Variants in SRGAP2B observed in about 807,000 individuals in gnomAD.
SRGAP2B encodes the protein SLIT-ROBO Rho GTPase-activating protein 2B.
Under a neutral mutation model 22.2 loss-of-function variants are expected in SRGAP2B, and 9 were observed. The observed-to-expected ratio is 0.41, with a 90% confidence interval of 0.24 to 0.71. The LOEUF is 0.71. Among genes scored for constraint, SRGAP2B ranks in the 30% least tolerant of loss-of-function variants. The probability of loss-of-function intolerance (pLI) is 0.35; values close to 1 mark genes in which losing one functional copy is unlikely to be tolerated. For synonymous variants in SRGAP2B, 36 were observed against 87.4 expected (o/e 0.41, Z 3.28); for missense variants, 114 against 235.8 (o/e 0.48, Z 3.38).
chr1:144,987,862 T>A (rs587596571), intron 3 of SRGAP2B, among the ~76,000 whole-genome samples: 1 of 150,962 alleles, frequency 6.6e-6, no homozygotes, highest in Admixed American at 6.6e-5. Context: ...CTGTTACTAA[T>A]GTTGCATTGA....
At chr1:145,084,029 C>T (rs587719808) in intron 2 of SRGAP2B, among the ~76,000 whole-genome samples, 3 of 134,180 alleles carry the variant, frequency 2.2e-5, no homozygotes, top group African/African-American at 2.9e-5. Context: ...ATCCCAGAAA[C>T]GTTGGGCTTT....
chr1:144,933,072 C>T (rs1233327988), intron 4 of SRGAP2B, among the ~76,000 whole-genome samples: 3 of 151,756 alleles, frequency 2.0e-5, no homozygotes, highest in African/African-American at 7.3e-5. Context: ...AGTACCCCTA[C>T]CCCGGCCCTG....
chr1:144,911,932 T>G (rs1236153342), intron 5 of SRGAP2B, among the ~76,000 whole-genome samples: 33 of 135,506 alleles, frequency 2.4e-4, no homozygotes, highest in African/African-American at 9.5e-4. Flanking sequence ...CTCTGAACTT[T>G]CTCTTTTTTT....
intron 2 of SRGAP2B, among the ~76,000 whole-genome samples, chr1:145,064,267 A>G (rs1344919220): frequency 6.8e-6 from 1 of 146,814 alleles, no homozygotes; most frequent in Non-Finnish European, 1.5e-5. Context: ...GCTGGTAGAC[A>G]AAACACAGGA....
At position 144,965,273 on chromosome 1, in the gene SRGAP2B, C is replaced by G. The variant is rs587648884; in HGVS notation, c.261-9672G>C. The G allele has an allele frequency of 8.4e-5, 38 of 453,406 alleles. 1 individual carries two copies. The highest frequency in any genetic ancestry group is 7.6e-4 in the South Asian group (37 of 48,528). 28.1% of individuals were successfully genotyped at this position (453,406 alleles called of 1,614,324 possible). The stretch of plus-strand genomic sequence containing the variant: ...GCTTTGAAGAGAGCAGTGGTTCTCC[C>G]AGCACGCAGCTGGAGATCTGAGAAC... On this transcript the variant is annotated intron_variant, in intron 3 of 9. Coordinates refer to ENST00000612199, the Ensembl canonical transcript of SRGAP2B.
exon 10 of SRGAP2B, chr1:144,888,936 C>A (rs1179664354): frequency 1.4e-5 from 2 of 142,914 alleles, no homozygotes; most frequent in African/African-American, 2.8e-5. Context: ...CCACGCCCAG[C>A]AGATTTATTT....
chr1:144,940,498 G>A (rs1553607200), intron 4 of SRGAP2B, among the ~76,000 whole-genome samples: 1 of 149,154 alleles, frequency 6.7e-6, no homozygotes, highest in East Asian at 2.0e-4. Context: ...TAGTCCAGGG[G>A]AGAGTCAAGA....
intron 2 of SRGAP2B, among the ~76,000 whole-genome samples, chr1:145,012,749 C>G (rs1672146447): frequency 7.3e-6 from 1 of 136,062 alleles, no homozygotes; most frequent in Non-Finnish European, 1.5e-5. Context: ...CTACCATAAT[C>G]CAGATGCCAG....
intron 4 of SRGAP2B, among the ~76,000 whole-genome samples, chr1:144,924,577 A>G (rs1553604699): frequency 6.6e-6 from 1 of 151,282 alleles, no homozygotes; most frequent in East Asian, 1.9e-4. Flanking sequence ...AAATACAAAA[A>G]AAAAGTTAGC....
intron 9 of SRGAP2B, among the ~76,000 whole-genome samples, chr1:144,892,632 ATGT>A (rs1316419895): frequency 6.7e-5 from 10 of 150,126 alleles, no homozygotes; most frequent in African/African-American, 2.5e-4. Context: ...AGATCTTTTA[ATGT>A]TTACTTTTAA....
At chr1:144,922,895 C>T (rs1290534893) in intron 4 of SRGAP2B, among the ~76,000 whole-genome samples, 1 of 151,146 alleles carries the variant, frequency 6.6e-6, no homozygotes, top group Non-Finnish European at 1.5e-5. Flanking sequence ...TGAGCAGTAA[C>T]ACTTGATAAC....
In SRGAP2B at chr1:144,905,237, G is replaced by C; in HGVS notation, c.703-18C>G. On this transcript the variant is annotated intron_variant, in intron 6 of 9. Transcript: ENST00000612199. Reference sequence around the variant, plus strand: ...GCTTGGCGCTGAAAAGGAAACAGAAGTTCACTTTTACCTTTTTTTTTTAAG... The same window carrying C: ...GCTTGGCGCTGAAAAGGAAACAGAACTTCACTTTTACCTTTTTTTTTTAAG... 2 of 773,124 alleles carry C rather than the reference G, an allele frequency of 2.6e-6. No individual in the cohort carries two copies. Among genetic ancestry groups the C allele is most frequent in the Non-Finnish European group, 2.4e-6 (1 of 415,476 alleles). The allele number at this position is 773,124 out of a possible 1,614,324, so 47.9% of individuals were successfully genotyped here. A position where few individuals can be genotyped will look rare whatever the true frequency, so the allele number is the denominator to read the frequency against.
chr1:145,056,901 C>T (rs1340949644), intron 2 of SRGAP2B, among the ~76,000 whole-genome samples: 2 of 130,752 alleles, frequency 1.5e-5, no homozygotes, highest in African/African-American at 2.9e-5. Flanking sequence ...AAGATCAACA[C>T]GAGGGCAGAG....
intron 2 of SRGAP2B, among the ~76,000 whole-genome samples, chr1:145,068,224 A>C (rs1296063891): frequency 2.8e-5 from 4 of 144,818 alleles, no homozygotes; most frequent in Admixed American, 2.7e-4. Flanking sequence ...AAAAAAAAAA[A>C]AAACAAATAC....
intron 7 of SRGAP2B, 63 bp downstream of exon 7, chr1:144,905,028 G>A: frequency 1.4e-6 from 1 of 714,970 alleles, no homozygotes. Flanking sequence ...ATCAGGGAAT[G>A]TCTGACGAGT....
At chr1:144,988,999 C>A (rs1472833609) in intron 3 of SRGAP2B, among the ~76,000 whole-genome samples, 3 of 55,080 alleles carry the variant, frequency 5.4e-5, no homozygotes, top group Non-Finnish European at 9.0e-5. Context: ...ACTCCCCCCA[C>A]TTTTTTTTTT....
At chr1:144,939,439 C>CA (rs1251712272) in intron 4 of SRGAP2B, among the ~76,000 whole-genome samples, 4 of 148,984 alleles carry the variant, frequency 2.7e-5, no homozygotes, top group Admixed American at 6.7e-5. Flanking sequence ...ATCCTATAGA[C>CA]AACAAATTGT....
At chr1:145,076,044 ATAT>A (rs1652472749) in intron 2 of SRGAP2B, among the ~76,000 whole-genome samples, 1 of 150,482 alleles carries the variant, frequency 6.6e-6, no homozygotes, top group Non-Finnish European at 1.5e-5. Flanking sequence ...GGCAGAACAT[ATAT>A]TATGCCAGTT....
At chr1:144,963,365 AG>A (rs1448375706) in intron 3 of SRGAP2B, among the ~76,000 whole-genome samples, 1 of 137,124 alleles carries the variant, frequency 7.3e-6, no homozygotes, top group East Asian at 2.0e-4. Context: ...AAAACACCAT[AG>A]CAAGGGTAAA....
Sources: allele counts gnomAD v4.1 joint callset (sites outside exome capture counted in the v4.1 genomes callset), GRCh38; gene constraint gnomAD v4.1.1; transcripts MANE v1.5; gene names NCBI Gene and HGNC (gene_info 2026-07-23, HGNC 2026-07-21).